The following PDE3A variants were observed in gnomAD, a reference collection of about 807,000 sequenced individuals.
PDE3A encodes cGMP-inhibited 3',5'-cyclic phosphodiesterase 3A.
In PDE3A, 43 loss-of-function variants were observed where a neutral mutation model predicts 98.3. The observed-to-expected ratio is 0.44, with a 90% confidence interval of 0.34 to 0.56. The LOEUF (loss-of-function observed/expected upper bound fraction) is 0.56. Ranked by LOEUF, PDE3A falls within the 20% of genes least tolerant of loss-of-function variation. The probability of loss-of-function intolerance (pLI) is 0.01; values close to 1 mark genes in which losing one functional copy is unlikely to be tolerated. For synonymous variants in PDE3A, 663 were observed against 567.9 expected, an observed-to-expected ratio of 1.17 and a Z score of -2.38; for missense variants, 1,427 against 1,440.7, an observed-to-expected ratio of 0.99 and a Z score of 0.15.
In PDE3A at chr12:20,646,572, G is replaced by T; in HGVS notation, c.2334G>T (p.Val778=). The T allele has an allele frequency of 6.2e-7, 1 of 1,605,194 alleles. No individual in the cohort carries two copies. The highest frequency in any genetic ancestry group is 8.5e-7 in the Non-Finnish European group (1 of 1,171,928). Residue 778 remains valine (V), a synonymous_variant, in exon 11 of 16, where the codon GTG becomes GTT. Coordinates refer to ENST00000359062, the MANE Select transcript of PDE3A (RefSeq NM_000921.5). ...AGCCTATTCCAGGCCTCTCAACTGT[G>T]ATTAATGATCATGGTTCAACCAGTG... is the stretch of plus-strand genomic sequence containing the variant. The part of the protein sequence containing the change: ...TTQPIPGLST[V]INDHGSTSDS...
Position 20,595,335 on chromosome 12 carries a change from C to T in PDE3A, c.1012-18108C>T, listed in dbSNP as rs145190606. On this transcript the variant is annotated intron_variant, in intron 2 of 15. Coordinates refer to ENST00000359062, the MANE Select transcript of PDE3A (RefSeq NM_000921.5). The stretch of plus-strand genomic sequence containing the variant: ...CTAAGTTCCCCTCATATCTCATTGA[C>T]TCACATTGACTTGGCCTACCCATTC... 4.2e-3 allele frequency among the ~76,000 whole-genome samples: 646 copies of T among 152,226 alleles called. 3 individuals carry two copies. Among genetic ancestry groups the T allele is most frequent in the African/African-American group, 0.014 (561 of 41,554 alleles).
In PDE3A at chr12:20,681,709, T is replaced by C. The variant is rs1945789613; in HGVS notation, c.*1438T>C. On this transcript the variant is annotated 3_prime_UTR_variant, in exon 16 of 16. Transcript: ENST00000359062. ...AGAGATTGTTTGAAGATTGGGTTAT[T>C]ATTGAAAGTCTTTTTTTTTGTTTGT... 1 of 152,180 alleles carries C rather than the reference T, an allele frequency of 6.6e-6. No individual in the cohort carries two copies. The highest frequency in any genetic ancestry group is 2.4e-5 in the African/African-American group (1 of 41,428). 9.4% of individuals were successfully genotyped at this position (152,180 alleles called of 1,614,324 possible).
Position 20,369,633 on chromosome 12 carries a change from G to A in PDE3A, c.349G>A (p.Gly117Arg). 6.3e-7 allele frequency: 1 copy of A among 1,591,252 alleles called. No individual in the cohort carries two copies. The highest frequency in any genetic ancestry group is 8.5e-7 in the Non-Finnish European group (1 of 1,169,696). ...AEGGVFPGPR[G>R]GAPGGGARLS... ...AGGGGGCGTCTTCCCGGGGCCTCGG[G>A]GAGGTGCTCCCGGGGGCGGTGCGCG... Residue 117 changes from glycine to arginine, a missense_variant, in exon 1 of 16, where the codon GGA becomes AGA. By Grantham distance (125) the Gly-to-Arg change is moderately radical (BLOSUM62 -2). Transcript: ENST00000359062.
intron 3 of PDE3A, among the ~76,000 whole-genome samples, chr12:20,614,335 G>C (rs966827037): frequency 7.9e-5 from 12 of 152,122 alleles, no homozygotes; most frequent in African/African-American, 2.9e-4. Flanking sequence ...TCCTCACCCA[G>C]TTTAGATCTC....
At chr12:20,636,854 A>C (rs1202663578) in intron 8 of PDE3A, among the ~76,000 whole-genome samples, 2 of 152,198 alleles carry the variant, frequency 1.3e-5, no homozygotes, top group Admixed American at 1.3e-4. Context: ...GTGTATATGG[A>C]CCAGTGATAG....
At chr12:20,399,942 T>C (rs1944090341) in intron 1 of PDE3A, among the ~76,000 whole-genome samples, 1 of 152,250 alleles carries the variant, frequency 6.6e-6, no homozygotes, top group Non-Finnish European at 1.5e-5. Flanking sequence ...AGGCAAAGTT[T>C]TGTGTACCAG....
intron 2 of PDE3A, among the ~76,000 whole-genome samples, chr12:20,606,744 G>T (rs1025585136): frequency 1.1e-4 from 17 of 151,256 alleles, no homozygotes; most frequent in African/African-American, 3.9e-4. Flanking sequence ...TGTAATCCCA[G>T]CTACTTGGGA....
chr12:20,489,836 GACCTGAAT>G (rs1945799430), intron 1 of PDE3A, among the ~76,000 whole-genome samples: 1 of 152,164 alleles, frequency 6.6e-6, no homozygotes, highest in Admixed American at 6.5e-5. Flanking sequence ...AATAATGAAT[GACCTGAAT>G]TTTTCCCACA....
Position 20,369,763 on chromosome 12 carries a change from C to A in PDE3A, c.479C>A (p.Ala160Asp), listed in dbSNP as rs1271163105. The change falls in exon 1 of 16, where the codon GCT becomes GAT. Residue 160 changes from alanine to aspartate, a missense_variant. This residue lies in a region of PDE3A where 1,012 missense variants were observed against 886.5 expected (regional missense o/e 1.14). Coordinates refer to ENST00000359062, the MANE Select transcript of PDE3A (RefSeq NM_000921.5). ...CGCGCCGGGGTGCGCCTGCCTCTGG[C>A]TGTCGCGCTGCTGGCCGCCTGCTGC... is the stretch of plus-strand genomic sequence containing the variant. ...LLRAGVRLPL[A>D]VALLAACCGG... 6.2e-7 allele frequency: 1 copy of A among 1,612,438 alleles called. No individual in the cohort carries two copies. The highest frequency in any genetic ancestry group is 1.7e-5 in the Admixed American group (1 of 59,974).
intron 14 of PDE3A, among the ~76,000 whole-genome samples, chr12:20,653,262 G>T (rs1373704167): frequency 1.3e-5 from 2 of 152,060 alleles, no homozygotes; most frequent in Admixed American, 6.5e-5. Flanking sequence ...CTGGGATAAG[G>T]TAACCCCTTG....
chr12:20,523,280 A>G (rs546143533), intron 1 of PDE3A, among the ~76,000 whole-genome samples: 1 of 152,248 alleles, frequency 6.6e-6, no homozygotes, highest in East Asian at 1.9e-4. Flanking sequence ...CTTGCCATAC[A>G]GGTAAGTGTT....
intron 2 of PDE3A, among the ~76,000 whole-genome samples, chr12:20,597,882 A>AT (rs147515591): frequency 0.18 from 26,868 of 152,068 alleles, 2,977 homozygotes; most frequent in South Asian, 0.35. Context: ...AGAAATGGAT[A>AT]TTTTTTCAGT....
In PDE3A at chr12:20,370,172, G is replaced by A; in HGVS notation, c.888G>A (p.Val296=). Residue 296 remains valine (V), a synonymous_variant, in exon 1 of 16, where the codon GTG becomes GTA. Transcript: ENST00000359062. The stretch of plus-strand genomic sequence containing the variant: ...GGAGGAGGCGGTCCAGCTCCGTCGT[G>A]TCCGCCGAGATGTCCGGCTGCAGCA... ...FKRRRRSSSV[V]SAEMSGCSSK... is the part of the protein sequence containing the mutation. 1.2e-6 allele frequency: 2 copies of A among 1,612,306 alleles called. No homozygotes were observed. The highest frequency in any genetic ancestry group is 2.2e-5 in the East Asian group (1 of 44,820).
chr12:20,404,945 C>T (rs1045509497), intron 1 of PDE3A, among the ~76,000 whole-genome samples: 4 of 147,048 alleles, frequency 2.7e-5, no homozygotes, highest in African/African-American at 5.0e-5. Flanking sequence ...TACTGCTTGC[C>T]GACTCAAGGA....
At chr12:20,652,520 T>A (rs1944944526) in intron 14 of PDE3A, among the ~76,000 whole-genome samples, 3 of 152,222 alleles carry the variant, frequency 2.0e-5, no homozygotes, top group South Asian at 2.1e-4. Flanking sequence ...TGATGGCCAG[T>A]GATGATGAGC....
intron 2 of PDE3A, among the ~76,000 whole-genome samples, chr12:20,601,589 C>T (rs983620417): frequency 6.6e-6 from 1 of 152,114 alleles, no homozygotes; most frequent in Admixed American, 6.6e-5. Flanking sequence ...GGGAAGAAGT[C>T]ACGTTTCTAA....
chr12:20,474,503 A>G (rs1328248042), intron 1 of PDE3A, among the ~76,000 whole-genome samples: 2 of 152,258 alleles, frequency 1.3e-5, no homozygotes, highest in Non-Finnish European at 2.9e-5. Flanking sequence ...AACAACACAC[A>G]TTTATTCTCT....
Position 20,370,293 on chromosome 12 carries a change from G to C in PDE3A, c.960+49G>C, listed in dbSNP as rs762901247. The C allele has an allele frequency of 2.7e-6, 4 of 1,472,168 alleles. No homozygotes were observed. The Admixed American group carries it at 6.9e-5, about 25-fold the overall frequency. The allele number at this position is 1,472,168 out of a possible 1,614,324, so 91.2% of individuals were successfully genotyped here. On this transcript the variant is annotated intron_variant, in intron 1 of 15. Transcript: ENST00000359062. ...CGGCTCTTGGAAACTTGAAACACTT[G>C]GCAACCGGCGCAGAGTGGAGAGAAT...
At chr12:20,574,434 T>C (rs2121320826) in intron 2 of PDE3A, among the ~76,000 whole-genome samples, 1 of 152,236 alleles carries the variant, frequency 6.6e-6, no homozygotes, top group East Asian at 1.9e-4. Context: ...CTTAATGAGA[T>C]ATTTAACCTT....
Sources: gnomAD v4.1 joint callset for allele counts (sites outside exome capture counted in the v4.1 genomes callset) on GRCh38, gnomAD v4.1.1 for gene constraint, gnomAD v4.1.1 regional missense constraint, MANE v1.5 for transcripts, NCBI Gene and HGNC (gene_info 2026-07-23, HGNC 2026-07-21) for gene names.